MACROD2: variants seen among roughly 807,000 people sequenced by gnomAD.
The protein encoded by MACROD2 is mono-ADP ribosylhydrolase 2, also known as ADP-ribose glycohydrolase MACROD2.
In MACROD2, 36 loss-of-function variants were observed where a neutral mutation model predicts 70.4. The ratio of observed to expected loss-of-function variants is 0.51; its 90% CI spans 0.39 to 0.68. The LOEUF is 0.68. MACROD2 is among the 30% of genes least tolerant of loss of function. The probability of loss-of-function intolerance (pLI) is 0.00; values close to 1 mark genes in which losing one functional copy is unlikely to be tolerated. For synonymous variants in MACROD2, 172 were observed against 178.8 expected (o/e 0.96, Z 0.30); for missense variants, 496 against 538.4 (o/e 0.92, Z 0.78).
intron 4 of MACROD2, among the ~76,000 whole-genome samples, chr20:14,644,517 TCCC>T (rs1329058451): frequency 4.6e-5 from 7 of 152,314 alleles, no homozygotes; most frequent in Middle Eastern, 3.4e-3. Flanking sequence ...AGTTTTTTTG[TCCC>T]ACTGTCTCAC....
At chr20:14,269,669 G>A (rs1280875985) in intron 3 of MACROD2, among the ~76,000 whole-genome samples, 1 of 152,080 alleles carries the variant, frequency 6.6e-6, no homozygotes, top group Admixed American at 6.5e-5. Flanking sequence ...TATACAAATA[G>A]TCATTAATAA....
intron 10 of MACROD2, among the ~76,000 whole-genome samples, chr20:15,910,050 T>A (rs2147264332): frequency 6.6e-6 from 1 of 152,270 alleles, no homozygotes; most frequent in African/African-American, 2.4e-5. Context: ...GTCAAGCAAG[T>A]CTCTGATCTC....
intron 2 of MACROD2, among the ~76,000 whole-genome samples, chr20:14,057,072 A>C (rs1361354718): frequency 6.6e-6 from 1 of 152,168 alleles, no homozygotes; most frequent in East Asian, 1.9e-4. Context: ...AAAAACAATG[A>C]AACTTGATCC....
intron 3 of MACROD2, among the ~76,000 whole-genome samples, chr20:14,365,651 C>T (rs779133443): frequency 6.6e-6 from 1 of 152,012 alleles, no homozygotes; most frequent in African/African-American, 2.4e-5. Context: ...ACTCTGTTAG[C>T]TCTGCACTTA....
At chr20:14,327,164 T>A in intron 3 of MACROD2, 3 of 1,613,762 alleles carry the variant, frequency 1.9e-6, no homozygotes, top group Non-Finnish European at 2.5e-6. Context: ...GTCCTTATGT[T>A]ATTTTCTTGC....
intron 3 of MACROD2, among the ~76,000 whole-genome samples, chr20:14,228,879 C>A (rs554743110): frequency 6.6e-6 from 1 of 151,304 alleles, no homozygotes; most frequent in Non-Finnish European, 1.5e-5. Flanking sequence ...TGGTGGCACA[C>A]GCCCATAATC....
chr20:15,720,467 CT>C (rs760948692), intron 8 of MACROD2, among the ~76,000 whole-genome samples: 4 of 152,206 alleles, frequency 2.6e-5, no homozygotes, highest in Non-Finnish European at 4.4e-5. Flanking sequence ...CTTCTCTGCA[CT>C]AATCACAAAT....
At chr20:14,803,504 G>A (rs1600678796) in intron 5 of MACROD2, among the ~76,000 whole-genome samples, 1 of 151,976 alleles carries the variant, frequency 6.6e-6, no homozygotes, top group Non-Finnish European at 1.5e-5. Context: ...TTGTTGAAAT[G>A]GAGTCTCACT....
Position 14,220,680 on chromosome 20 carries a change from C to T in MACROD2, c.271+134952C>T, listed in dbSNP as rs75593201. On this transcript the variant is annotated intron_variant, in intron 3 of 17. Coordinates refer to ENST00000684519, the MANE Select transcript of MACROD2 (RefSeq NM_001351661.2). ...AGGAATGGCCTGCTAGGGTACCCAG[C>T]GAGCTCCCAGGGCCTTTCTGCTGCA... Among the ~76,000 whole-genome samples, 287 of 152,288 alleles carry T rather than the reference C, an allele frequency of 1.9e-3. 1 individual carries two copies. Among genetic ancestry groups the T allele is most frequent in the African/African-American group, 5.1e-3 (210 of 41,572 alleles).
intron 5 of MACROD2, among the ~76,000 whole-genome samples, chr20:15,087,612 A>G (rs2075758490): frequency 6.6e-6 from 1 of 152,054 alleles, no homozygotes; most frequent in East Asian, 1.9e-4. Flanking sequence ...AAAACATAAA[A>G]GTAAAACTTG....
At chr20:15,479,694 A>T (rs1319706160) in intron 7 of MACROD2, among the ~76,000 whole-genome samples, 1 of 152,206 alleles carries the variant, frequency 6.6e-6, no homozygotes, top group African/African-American at 2.4e-5. Flanking sequence ...TCTACCAAGT[A>T]CATTAGCCTT....
intron 15 of MACROD2, among the ~76,000 whole-genome samples, chr20:16,020,152 G>T (rs1464260695): frequency 2.0e-5 from 3 of 152,208 alleles, no homozygotes; most frequent in Non-Finnish European, 2.9e-5. Flanking sequence ...TCCCACAAAG[G>T]CTGGTTCCTG....
intron 5 of MACROD2, among the ~76,000 whole-genome samples, chr20:14,736,875 T>C (rs939984639): frequency 1.3e-5 from 2 of 152,070 alleles, no homozygotes; most frequent in African/African-American, 4.8e-5. Context: ...AACAAATAGA[T>C]ACTTCTTGGA....
intron 4 of MACROD2, among the ~76,000 whole-genome samples, chr20:14,652,644 T>A (rs949239073): frequency 2.0e-5 from 3 of 152,162 alleles, no homozygotes; most frequent in African/African-American, 7.2e-5. Context: ...CTGGGCTCAC[T>A]CAAGACCACC....
intron 3 of MACROD2, among the ~76,000 whole-genome samples, chr20:14,292,335 G>A (rs941121507): frequency 1.3e-5 from 2 of 151,852 alleles, no homozygotes; most frequent in Non-Finnish European, 2.9e-5. Context: ...AATGTGACTC[G>A]GGGTTGGGTG....
intron 4 of MACROD2, among the ~76,000 whole-genome samples, chr20:14,525,480 A>G (rs780477743): frequency 1.2e-4 from 19 of 152,360 alleles, no homozygotes; most frequent in Non-Finnish European, 2.4e-4. Flanking sequence ...CATATTACAG[A>G]TGAGGAAAGT....
chr20:14,166,386 C>T (rs1054059851), intron 3 of MACROD2, among the ~76,000 whole-genome samples: 1 of 151,716 alleles, frequency 6.6e-6, no homozygotes, highest in Non-Finnish European at 1.5e-5. Context: ...TTCATCTGTG[C>T]CCAAAAAGTG....
chr20:14,512,547 C>A lies in MACROD2; in HGVS notation c.301+19039C>A, dbSNP rs115205811. Among the ~76,000 whole-genome samples, 761 of 152,206 alleles carry A rather than the reference C, an allele frequency of 5.0e-3. 5 individuals carry two copies. The highest frequency in any genetic ancestry group is 0.016 in the African/African-American group (685 of 41,538). On this transcript the variant is annotated intron_variant, in intron 4 of 17. Transcript: ENST00000684519. ...GCTTACTCATTTGGAAATGAATGGACACTTATGAATGAGACCTCGCTGCCC... is the reference window on the plus strand; with the variant it reads ...GCTTACTCATTTGGAAATGAATGGAAACTTATGAATGAGACCTCGCTGCCC...
intron 5 of MACROD2, among the ~76,000 whole-genome samples, chr20:14,826,281 G>A (rs1448239846): frequency 4.0e-5 from 6 of 151,110 alleles, no homozygotes; most frequent in African/African-American, 1.5e-4. Flanking sequence ...TGACTCCCAA[G>A]AAAACAGATT....
Sources: gnomAD v4.1 joint callset for allele counts (sites outside exome capture counted in the v4.1 genomes callset) on GRCh38, gnomAD v4.1.1 for gene constraint, MANE v1.5 for transcripts, NCBI Gene and HGNC (gene_info 2026-07-23, HGNC 2026-07-21) for gene names.